Variants in CHN2 observed in about 807,000 individuals in gnomAD.
CHN2 encodes beta-chimaerin.
Under a neutral mutation model 56.3 loss-of-function variants are expected in CHN2, and 35 were observed. That is an observed-to-expected ratio of 0.62 (90% CI 0.47 to 0.82). The LOEUF (loss-of-function observed/expected upper bound fraction) is 0.82, where lower values mean the gene tolerates loss of function less well. Ranked by LOEUF, CHN2 falls within the 40% of genes least tolerant of loss-of-function variation. The pLI, the probability that CHN2 is intolerant of heterozygous loss-of-function variation, is 0.00. For synonymous variants in CHN2, 210 were observed against 212.8 expected (o/e 0.99, Z 0.12); for missense variants, 491 against 580.5 (o/e 0.85, Z 1.58).
intron 6 of CHN2, among the ~76,000 whole-genome samples, chr7:29,477,357 A>T (rs1422730019): frequency 6.6e-6 from 1 of 152,258 alleles, no homozygotes; most frequent in Non-Finnish European, 1.5e-5. Flanking sequence ...TGTTATACAT[A>T]CAAGCACAGA....
rs781246938 is a variant in CHN2 at position 29,504,841 on chromosome 7, A to C, written c.991+20A>C. ...ACAGAGGTAAGCTTGTACTTTCTTG[A>C]ATGCCATCTGACATCCTAACACCCT... On this transcript the variant is annotated intron_variant, in intron 10 of 12. Transcript: ENST00000222792. 6 of 1,570,084 alleles carry C rather than the reference A, an allele frequency of 3.8e-6. No homozygotes were observed. In the Middle Eastern group the frequency reaches 8.4e-4, roughly 220 times the overall value.
intron 6 of CHN2, among the ~76,000 whole-genome samples, chr7:29,473,718 G>A (rs1174010113): frequency 3.3e-5 from 5 of 151,958 alleles, no homozygotes; most frequent in African/African-American, 9.7e-5. Flanking sequence ...ATGCCTGCAG[G>A]TATAAGGCAG....
At chr7:29,267,884 C>G (rs1790274649) in intron 1 of CHN2, among the ~76,000 whole-genome samples, 1 of 152,096 alleles carries the variant, frequency 6.6e-6, no homozygotes, top group South Asian at 2.1e-4. Flanking sequence ...CTTAGAGCAG[C>G]CAAATCAGCT....
intron 7 of CHN2, among the ~76,000 whole-genome samples, chr7:29,494,746 C>G (rs1040548559): frequency 2.0e-5 from 3 of 152,002 alleles, no homozygotes; most frequent in African/African-American, 7.2e-5. Flanking sequence ...AGCTTATCAT[C>G]TTTCTCTGCT....
At chr7:29,175,238 G>A (rs578079731) in intron 2 of CHN2, among the ~76,000 whole-genome samples, 25 of 151,218 alleles carry the variant, frequency 1.7e-4, no homozygotes, top group African/African-American at 4.9e-4. Flanking sequence ...GTAGTGGCAC[G>A]ATCTCTGCTC....
intron 2 of CHN2, among the ~76,000 whole-genome samples, chr7:29,365,250 GGT>G (rs1799061263): frequency 6.6e-6 from 1 of 152,128 alleles, no homozygotes; most frequent in Non-Finnish European, 1.5e-5. Context: ...AAGCTGATAG[GGT>G]TCTTGAAAGT....
At chr7:29,470,651 T>G (rs941079606) in intron 6 of CHN2, among the ~76,000 whole-genome samples, 1 of 152,234 alleles carries the variant, frequency 6.6e-6, no homozygotes, top group Non-Finnish European at 1.5e-5. Context: ...TGGTACATTC[T>G]GTAGTGCTGC....
chr7:29,358,100 T>G lies in CHN2; in HGVS notation c.88+3437T>G, dbSNP rs139920965. Among the ~76,000 whole-genome samples the G allele has an allele frequency of 4.7e-3, 719 of 152,346 alleles. 4 individuals are homozygous for G. The highest frequency in any genetic ancestry group is 8.0e-3 in the Non-Finnish European group (542 of 68,028). On this transcript the variant is annotated intron_variant, in intron 2 of 12. Coordinates refer to ENST00000222792, the MANE Select transcript of CHN2 (RefSeq NM_004067.4). ...ATAGCATAGGACTTGGTTTAAAAAT[T>G]TATTATTTGCAATGATTAGACAAGT... is the stretch of plus-strand genomic sequence containing the variant.
intron 6 of CHN2, among the ~76,000 whole-genome samples, chr7:29,472,272 TACACACACACACAC>T: frequency 8.9e-6 from 1 of 112,316 alleles, no homozygotes; most frequent in Non-Finnish European, 2.2e-5. Flanking sequence ...CAAAACAAAA[TACACACACACACAC>T]ACACACACAC....
At chr7:29,228,229 G>C (rs1329751315) in intron 1 of CHN2, among the ~76,000 whole-genome samples, 10 of 151,654 alleles carry the variant, frequency 6.6e-5, no homozygotes, top group Non-Finnish European at 1.3e-4. Flanking sequence ...CAGAGAGAGA[G>C]TCATGTGCCA....
intron 1 of CHN2, among the ~76,000 whole-genome samples, chr7:29,334,243 G>T (rs1253271422): frequency 6.6e-6 from 1 of 151,822 alleles, no homozygotes; most frequent in Admixed American, 6.6e-5. Flanking sequence ...TAGAGACAGG[G>T]TTTCTTCATG....
chr7:29,296,087 T>C (rs1793134313), intron 1 of CHN2, among the ~76,000 whole-genome samples: 2 of 103,628 alleles, frequency 1.9e-5, no homozygotes, highest in African/African-American at 1.1e-4. Flanking sequence ...AATCACCATT[T>C]TTTTTTTTTT....
At chr7:29,214,233 G>A (rs891006622) in intron 1 of CHN2, among the ~76,000 whole-genome samples, 19 of 152,110 alleles carry the variant, frequency 1.2e-4, no homozygotes, top group African/African-American at 3.6e-4. Context: ...AAGGCCCTAG[G>A]TCTTAGTCAT....
intron 2 of CHN2, among the ~76,000 whole-genome samples, chr7:29,357,698 A>T (rs890716994): frequency 6.6e-6 from 1 of 152,176 alleles, no homozygotes; most frequent in African/African-American, 2.4e-5. Flanking sequence ...GAAGAGGTCA[A>T]ATTTGCATGT....
At chr7:29,443,780 A>G (rs1783841985) in intron 6 of CHN2, among the ~76,000 whole-genome samples, 1 of 152,122 alleles carries the variant, frequency 6.6e-6, no homozygotes, top group South Asian at 2.1e-4. Flanking sequence ...GAGAGATGGC[A>G]GAGGTGTGAG....
Position 29,314,319 on chromosome 7 carries a change from A to G in CHN2, c.50-40306A>G, listed in dbSNP as rs116551939. ...AAACAATATGATTCCACTTATATGA[A>G]GTACCTAGAGTAGTCAAATTCACAA... On this transcript the variant is annotated intron_variant, in intron 1 of 12. Coordinates refer to ENST00000222792, the MANE Select transcript of CHN2 (RefSeq NM_004067.4). 9.5e-3 allele frequency among the ~76,000 whole-genome samples: 1,450 copies of G among 152,306 alleles called. 23 individuals carry two copies. The highest frequency in any genetic ancestry group is 0.033 in the African/African-American group (1,389 of 41,560).
intron 7 of CHN2, among the ~76,000 whole-genome samples, chr7:29,482,797 C>CTTTTCTTTTTTT (rs1787429870): frequency 7.8e-5 from 5 of 64,208 alleles, no homozygotes; most frequent in African/African-American, 6.0e-5. Context: ...GCACTTTTTT[C>CTTTTCTTTTTTT]TTTTTTTTTT....
intron 7 of CHN2, among the ~76,000 whole-genome samples, chr7:29,483,526 A>T (rs17158104): frequency 0.2 from 29,948 of 152,188 alleles, 3,217 homozygotes; most frequent in African/African-American, 0.26. Flanking sequence ...GGTTACTTGT[A>T]CCTACTAGGC....
intron 6 of CHN2, among the ~76,000 whole-genome samples, chr7:29,460,102 T>C (rs913026882): frequency 1.3e-5 from 2 of 152,212 alleles, no homozygotes; most frequent in Non-Finnish European, 2.9e-5. Context: ...CTACCTGGCT[T>C]TCACCCCCAG....
Sources: gnomAD v4.1 joint callset for allele counts (sites outside exome capture counted in the v4.1 genomes callset) on GRCh38, gnomAD v4.1.1 for gene constraint, MANE v1.5 for transcripts, NCBI Gene and HGNC (gene_info 2026-07-23, HGNC 2026-07-21) for gene names.